Variants in CSMD1 observed in about 807,000 individuals in gnomAD.
CSMD1 encodes CUB and sushi domain-containing protein 1.
CSMD1 carries 213 observed loss-of-function variants against 417.5 expected under a neutral mutation model. That is an observed-to-expected ratio of 0.51 (90% CI 0.46 to 0.57). CSMD1 has a LOEUF of 0.57. CSMD1 is among the 20% of genes least tolerant of loss of function. The pLI, the probability that CSMD1 is intolerant of heterozygous loss-of-function variation, is 0.00. For synonymous variants in CSMD1, 2,862 were observed against 1,736.8 expected, an observed-to-expected ratio of 1.65 and a Z score of -16.11; for missense variants, 6,923 against 4,529.7, an observed-to-expected ratio of 1.53 and a Z score of -15.17.
intron 5 of CSMD1, among the ~76,000 whole-genome samples, chr8:3,919,957 T>C (rs922593502): frequency 1.3e-5 from 2 of 152,170 alleles, no homozygotes; most frequent in African/African-American, 4.8e-5. Context: ...CAACTGAGTC[T>C]TGTATTTTTA....
chr8:4,333,095 T>A (rs1799967920), intron 3 of CSMD1, among the ~76,000 whole-genome samples: 1 of 152,104 alleles, frequency 6.6e-6, no homozygotes, highest in Non-Finnish European at 1.5e-5. Context: ...CAGGATGGAA[T>A]TGTGTTTGAA....
intron 1 of CSMD1, among the ~76,000 whole-genome samples, chr8:4,687,283 C>A (rs927209777): frequency 4.6e-5 from 7 of 152,174 alleles, no homozygotes; most frequent in Non-Finnish European, 1.0e-4. Context: ...GACAAGGAGC[C>A]TTACTGAGGA....
intron 5 of CSMD1, among the ~76,000 whole-genome samples, chr8:3,869,010 G>C (rs115817289): frequency 6.6e-6 from 1 of 152,158 alleles, no homozygotes; most frequent in Non-Finnish European, 1.5e-5. Flanking sequence ...CAGCTCTCTC[G>C]AAGTAACAGC....
intron 7 of CSMD1, among the ~76,000 whole-genome samples, chr8:3,641,560 G>T (rs1055006248): frequency 6.6e-6 from 1 of 152,180 alleles, no homozygotes; most frequent in Admixed American, 6.5e-5. Flanking sequence ...ATGAAAGTCA[G>T]AACATCCTTT....
intron 5 of CSMD1, among the ~76,000 whole-genome samples, chr8:3,803,583 G>A (rs370225123): frequency 1.3e-5 from 2 of 152,212 alleles, no homozygotes; most frequent in Non-Finnish European, 2.9e-5. Context: ...GATGGTTCAT[G>A]AAGGAGAACA....
At chr8:4,556,536 T>C (rs1798095568) in intron 2 of CSMD1, among the ~76,000 whole-genome samples, 1 of 152,134 alleles carries the variant, frequency 6.6e-6, no homozygotes, top group African/African-American at 2.4e-5. Context: ...CCTCAGTTCC[T>C]TCTCGGTACA....
intron 5 of CSMD1, among the ~76,000 whole-genome samples, chr8:3,940,096 C>T (rs529792880): frequency 6.3e-4 from 96 of 152,152 alleles, no homozygotes; most frequent in Non-Finnish European, 7.8e-4. Flanking sequence ...AATGCAGATA[C>T]GCCTTACACA....
intron 10 of CSMD1, among the ~76,000 whole-genome samples, chr8:3,517,199 G>A (rs773415294): frequency 6.6e-6 from 1 of 152,126 alleles, no homozygotes; most frequent in Admixed American, 6.5e-5. Context: ...GACTCTCTTT[G>A]CATCTCAGAA....
intron 49 of CSMD1, among the ~76,000 whole-genome samples, chr8:3,064,871 G>T (rs896535873): frequency 6.6e-6 from 1 of 151,762 alleles, no homozygotes; most frequent in Non-Finnish European, 1.5e-5. Context: ...CTTAGTTTCA[G>T]AATCAAGGAC....
At position 3,307,706 on chromosome 8, in the gene CSMD1, T is replaced by G. The variant is rs771603517; in HGVS notation, c.3939A>C (p.Gly1313=). The G allele has an allele frequency of 1.2e-5, 20 of 1,613,420 alleles. No individual in the cohort carries two copies. The highest frequency in any genetic ancestry group is 1.7e-5 in the Non-Finnish European group (20 of 1,179,618). The change falls in exon 25 of 70, where the codon GGA becomes GGC. Residue 1313 remains glycine, a synonymous_variant. Coordinates refer to ENST00000635120, the MANE Select transcript of CSMD1 (RefSeq NM_033225.6). ...AATAAAACAAGTACCTAATGGTCTT[T>G]CCTGGGTCTGCCTCTATAATCCAGG... ...HCTWIIEADP[G]KTISLHFIVF...
intron 1 of CSMD1, among the ~76,000 whole-genome samples, chr8:4,735,618 C>T (rs1810180913): frequency 6.6e-6 from 1 of 152,128 alleles, no homozygotes; most frequent in African/African-American, 2.4e-5. Context: ...ATACTACTAG[C>T]AATGATGATG....
At chr8:3,891,038 G>GTTT (rs765170670) in intron 5 of CSMD1, among the ~76,000 whole-genome samples, 9 of 147,308 alleles carry the variant, frequency 6.1e-5, no homozygotes, top group African/African-American at 2.2e-4. Context: ...CAGCTTTTTT[G>GTTT]TTTTTTTTTT....
chr8:4,800,360 G>A (rs112512936), intron 1 of CSMD1, among the ~76,000 whole-genome samples: 7,307 of 151,388 alleles, frequency 0.048, 312 homozygotes, highest in East Asian at 0.23. Flanking sequence ...GAACCTGGGA[G>A]GTGGAGGTTG....
intron 37 of CSMD1, among the ~76,000 whole-genome samples, chr8:3,180,196 G>T (rs1038826501): frequency 4.6e-5 from 7 of 152,204 alleles, no homozygotes; most frequent in Admixed American, 4.6e-4. Flanking sequence ...AGGTTTACCT[G>T]CATAATCAAA....
chr8:3,797,566 A>G (rs765940888), intron 5 of CSMD1, among the ~76,000 whole-genome samples: 1 of 151,886 alleles, frequency 6.6e-6, no homozygotes, highest in African/African-American at 2.4e-5. Flanking sequence ...TCACAATATA[A>G]TATTTTCAAG....
At chr8:3,410,028 G>T (rs1053872621) in intron 12 of CSMD1, among the ~76,000 whole-genome samples, 4 of 152,104 alleles carry the variant, frequency 2.6e-5, no homozygotes, top group Non-Finnish European at 4.4e-5. Flanking sequence ...TAAATAAATA[G>T]AATCTATTTG....
intron 4 of CSMD1, among the ~76,000 whole-genome samples, chr8:4,015,091 T>C (rs1796457602): frequency 6.6e-6 from 1 of 152,192 alleles, no homozygotes; most frequent in Non-Finnish European, 1.5e-5. Context: ...TATTGCAAAG[T>C]ATGCAAGAAA....
At chr8:3,552,203 A>G (rs1162620612) in intron 10 of CSMD1, among the ~76,000 whole-genome samples, 3 of 152,200 alleles carry the variant, frequency 2.0e-5, no homozygotes, top group Admixed American at 2.0e-4. Context: ...TGTGGAAAAG[A>G]CAACATTCTG....
chr8:4,894,311 T>C lies in CSMD1; in HGVS notation c.85+100021A>G, dbSNP rs149641855. Among the ~76,000 whole-genome samples the C allele has an allele frequency of 2.5e-3, 381 of 152,222 alleles. 4 individuals carry two copies. Among genetic ancestry groups the C allele is most frequent in the African/African-American group, 8.6e-3 (357 of 41,522 alleles). On this transcript the variant is annotated intron_variant, in intron 1 of 69. Coordinates refer to ENST00000635120, the MANE Select transcript of CSMD1 (RefSeq NM_033225.6). ...AATTTATTGAATTTATATACATTTT[T>C]CATTTTTTATTTAATTTTCTACTAA...
Sources: gnomAD v4.1 joint callset for allele counts (sites outside exome capture counted in the v4.1 genomes callset) on GRCh38, gnomAD v4.1.1 for gene constraint, MANE v1.5 for transcripts, NCBI Gene and HGNC (gene_info 2026-07-23, HGNC 2026-07-21) for gene names.